Variants in KCNT2 observed in about 807,000 individuals in gnomAD.
KCNT2 encodes the protein potassium channel subfamily T member 2.
A neutral mutation model predicts 153.8 loss-of-function variants in KCNT2; 67 were observed. The ratio of observed to expected loss-of-function variants is 0.44; its 90% CI spans 0.36 to 0.53. The LOEUF (loss-of-function observed/expected upper bound fraction) is 0.53. Ranked by LOEUF, KCNT2 falls within the 20% of genes least tolerant of loss-of-function variation. The pLI is 0.00. For synonymous variants in KCNT2, 500 were observed against 458.8 expected (o/e 1.09, Z -1.15); for missense variants, 975 against 1,354.8 (o/e 0.72, Z 4.40).
intron 13 of KCNT2, among the ~76,000 whole-genome samples, chr1:196,376,217 A>G (rs1668956976): frequency 6.6e-6 from 1 of 151,798 alleles, no homozygotes; most frequent in South Asian, 2.1e-4. Context: ...ACTACTTACT[A>G]CAGGTTTCTA....
At chr1:196,296,211 T>A (rs1660660497) in intron 22 of KCNT2, among the ~76,000 whole-genome samples, 1 of 151,850 alleles carries the variant, frequency 6.6e-6, no homozygotes, top group African/African-American at 2.4e-5. Flanking sequence ...TTGATGACAG[T>A]TTGAAGCCCC....
chr1:196,476,374 T>A (rs1466889728), intron 5 of KCNT2, among the ~76,000 whole-genome samples: 2 of 152,174 alleles, frequency 1.3e-5, no homozygotes, highest in African/African-American at 4.8e-5. Flanking sequence ...TATTAATTTA[T>A]TTGATTTTTT....
At chr1:196,282,215 G>T in intron 24 of KCNT2, 58 bp downstream of exon 24, 1 of 906,674 alleles carries the variant, frequency 1.1e-6, no homozygotes, top group Non-Finnish European at 1.8e-6. Flanking sequence ...GTACACGGTA[G>T]ATAGATTTCA....
At chr1:196,523,574 T>G (rs755960595) in intron 1 of KCNT2, among the ~76,000 whole-genome samples, 7 of 152,196 alleles carry the variant, frequency 4.6e-5, no homozygotes, top group Admixed American at 1.3e-4. Flanking sequence ...TGGCAAGATG[T>G]CTGCAACTGC....
chr1:196,515,172 G>A (rs1385876851), intron 1 of KCNT2, among the ~76,000 whole-genome samples: 1 of 152,192 alleles, frequency 6.6e-6, no homozygotes, highest in Non-Finnish European at 1.5e-5. Context: ...GCATTTCTGT[G>A]ATAAGGATAA....
intron 1 of KCNT2, among the ~76,000 whole-genome samples, chr1:196,561,651 T>A (rs1355339143): frequency 5.2e-4 from 1 of 1,912 alleles, no homozygotes; most frequent in Admixed American, 0.011. Flanking sequence ...AGACTTCATC[T>A]CAAAAAAAAA....
intron 1 of KCNT2, among the ~76,000 whole-genome samples, chr1:196,512,957 G>C (rs1355679261): frequency 6.6e-6 from 1 of 152,052 alleles, no homozygotes; most frequent in East Asian, 1.9e-4. Flanking sequence ...GACACAGAAG[G>C]AAGTATTGGA....
At chr1:196,595,063 G>T (rs545555153) in intron 1 of KCNT2, among the ~76,000 whole-genome samples, 1 of 152,076 alleles carries the variant, frequency 6.6e-6, no homozygotes, top group Non-Finnish European at 1.5e-5. Context: ...TGGAGATAGG[G>T]TGCATAAAAC....
In KCNT2 at chr1:196,606,080, G is replaced by C. The variant is rs548893977; in HGVS notation, c.95+2135C>G. Among the ~76,000 whole-genome samples the C allele has an allele frequency of 2.6e-5, 4 of 152,314 alleles. No individual in the cohort carries two copies. The South Asian group carries it at 8.3e-4, about 32-fold the overall frequency. ...CAGAGTTTGTCTGAGGATTAACTAA[G>C]AAAGAACATACCGCACAGTTAAAAG... On this transcript the variant is annotated intron_variant, in intron 1 of 27. Transcript: ENST00000294725.
chr1:196,510,934 G>C (rs537240922), intron 1 of KCNT2, among the ~76,000 whole-genome samples: 2 of 152,062 alleles, frequency 1.3e-5, no homozygotes, highest in Non-Finnish European at 2.9e-5. Context: ...CAAGCAACTA[G>C]CTATGGTTAA....
chr1:196,237,594 TCA>T (rs969281164), intron 26 of KCNT2, among the ~76,000 whole-genome samples: 2 of 151,840 alleles, frequency 1.3e-5, no homozygotes, highest in Non-Finnish European at 2.9e-5. Flanking sequence ...TGTTGGAATC[TCA>T]GTCTGTCACT....
At chr1:196,577,403 T>G (rs913707483) in intron 1 of KCNT2, among the ~76,000 whole-genome samples, 1 of 152,128 alleles carries the variant, frequency 6.6e-6, no homozygotes, top group African/African-American at 2.4e-5. Flanking sequence ...AGATGAAGCC[T>G]GACAGACTGA....
intron 1 of KCNT2, among the ~76,000 whole-genome samples, chr1:196,600,588 T>G (rs1019979339): frequency 6.6e-6 from 1 of 152,254 alleles, no homozygotes; most frequent in African/African-American, 2.4e-5. Context: ...GTGAATTTCT[T>G]GGTTTCTATG....
At chr1:196,569,672 A>G (rs1660532070) in intron 1 of KCNT2, among the ~76,000 whole-genome samples, 1 of 152,154 alleles carries the variant, frequency 6.6e-6, no homozygotes, top group Non-Finnish European at 1.5e-5. Flanking sequence ...AGAGCTAAAA[A>G]AAACCCTCTG....
intron 1 of KCNT2, among the ~76,000 whole-genome samples, chr1:196,499,403 C>A (rs971495657): frequency 6.6e-6 from 1 of 152,186 alleles, no homozygotes; most frequent in Non-Finnish European, 1.5e-5. Context: ...AGGGCAAGGG[C>A]CATATTGAGT....
chr1:196,451,434 G>GTTTTTTTTT (rs1557952237), intron 8 of KCNT2, among the ~76,000 whole-genome samples: 1 of 103,818 alleles, frequency 9.6e-6, no homozygotes, highest in Non-Finnish European at 1.9e-5. Flanking sequence ...TTTTTTTTTG[G>GTTTTTTTTT]ATTTTAGTAG....
chr1:196,254,365 T>C (rs1656272749), intron 26 of KCNT2, among the ~76,000 whole-genome samples: 1 of 151,478 alleles, frequency 6.6e-6, no homozygotes, highest in Non-Finnish European at 1.5e-5. Context: ...CTAAATGATA[T>C]ATCTCAAAAA....
intron 26 of KCNT2, among the ~76,000 whole-genome samples, chr1:196,245,162 A>C (rs1262897495): frequency 6.6e-6 from 1 of 152,144 alleles, no homozygotes; most frequent in Non-Finnish European, 1.5e-5. Flanking sequence ...CCGTGAGTAG[A>C]TATGGCTGCA....
At chr1:196,286,907 A>G (rs1168281384) in intron 22 of KCNT2, among the ~76,000 whole-genome samples, 1 of 152,076 alleles carries the variant, frequency 6.6e-6, no homozygotes, top group East Asian at 1.9e-4. Context: ...AGGAAGACTG[A>G]TACAGCTGAA....
Sources: allele counts gnomAD v4.1 joint callset (sites outside exome capture counted in the v4.1 genomes callset), GRCh38; gene constraint gnomAD v4.1.1; transcripts MANE v1.5; gene names NCBI Gene and HGNC (gene_info 2026-07-23, HGNC 2026-07-21).